KIAA0825: variants seen among roughly 807,000 people sequenced by gnomAD.
KIAA0825 encodes KIAA0825.
Under a neutral mutation model 147.6 loss-of-function variants are expected in KIAA0825, and 119 were observed. That is an observed-to-expected ratio of 0.81 (90% CI 0.69 to 0.94). The LOEUF is 0.94. Ranked by LOEUF, KIAA0825 falls within the 40% of genes least tolerant of loss-of-function variation. KIAA0825 has a pLI of 0.00. For missense variants in KIAA0825, 1,381 were observed against 1,472.7 expected (o/e 0.94, Z 1.02); for synonymous variants, 470 against 518.1 (o/e 0.91, Z 1.26).
intron 3 of KIAA0825, among the ~76,000 whole-genome samples, chr5:94,530,623 C>T (rs1159932882): frequency 2.0e-5 from 3 of 152,146 alleles, no homozygotes; most frequent in Admixed American, 6.5e-5. Flanking sequence ...GGTGTTGACT[C>T]AGCTGAGGCC....
rs1162910774 is a variant in KIAA0825, at chr5:94,218,332, T to C, written c.3711-64208A>G. ...CTTCTGTTTTTTACCTAATTCCTTCTTGTCCATCTAGACTGAGTTCTAACC... is the reference window on the plus strand; with the variant it reads ...CTTCTGTTTTTTACCTAATTCCTTCCTGTCCATCTAGACTGAGTTCTAACC... On this transcript the variant is annotated intron_variant, in intron 20 of 20. Transcript: ENST00000682413. Among the ~76,000 whole-genome samples, 3 of 152,338 alleles carry C rather than the reference T, an allele frequency of 2.0e-5. No homozygotes were observed. The South Asian group carries it at 6.2e-4, about 32-fold the overall frequency.
chr5:94,440,138 TA>T lies in KIAA0825; in HGVS notation c.2358-18del. Reference sequence around the variant, plus strand: ...GATGGAGTCCTTTCAAAATGCAAGATAAAGATGGAGTAATGAAGTTAATTTA... The same window carrying T: ...GATGGAGTCCTTTCAAAATGCAAGATAAGATGGAGTAATGAAGTTAATTTA... On this transcript the variant is annotated intron_variant, in intron 13 of 20. Coordinates refer to ENST00000682413, the MANE Select transcript of KIAA0825 (RefSeq NM_001145678.3). 1 of 1,549,856 alleles carries T rather than the reference TA, an allele frequency of 6.5e-7. No homozygotes were observed. The highest frequency in any genetic ancestry group is 2.4e-5 in the East Asian group (1 of 40,872).
chr5:94,154,593 AGTGT>A (rs1409059539), intron 20 of KIAA0825, among the ~76,000 whole-genome samples: 16 of 152,210 alleles, frequency 1.1e-4, no homozygotes, highest in African/African-American at 3.9e-4. Context: ...AGGGCAGGTC[AGTGT>A]ATTTCTTGAA....
intron 20 of KIAA0825, among the ~76,000 whole-genome samples, chr5:94,346,286 AT>A (rs1250333853): frequency 1.3e-5 from 2 of 152,162 alleles, no homozygotes; most frequent in Non-Finnish European, 2.9e-5. Flanking sequence ...ATGTTAATTG[AT>A]CAAATTAGAT....
At chr5:94,286,218 A>G (rs1290504378) in intron 20 of KIAA0825, among the ~76,000 whole-genome samples, 1 of 152,166 alleles carries the variant, frequency 6.6e-6, no homozygotes, top group Non-Finnish European at 1.5e-5. Flanking sequence ...TCTGATTAGC[A>G]GACTTGGACA....
chr5:94,508,542 G>C (rs1034934868), intron 5 of KIAA0825, among the ~76,000 whole-genome samples: 2 of 152,132 alleles, frequency 1.3e-5, no homozygotes, highest in Admixed American at 1.3e-4. Context: ...AAAAAAAGGG[G>C]GGGGAAGTAA....
chr5:94,487,865 G>A (rs1763238904), intron 5 of KIAA0825, among the ~76,000 whole-genome samples: 1 of 152,102 alleles, frequency 6.6e-6, no homozygotes. Context: ...GAGGTGGGAG[G>A]ATCACCTGAG....
chr5:94,249,430 T>C (rs1231814593), intron 20 of KIAA0825, among the ~76,000 whole-genome samples: 1 of 152,064 alleles, frequency 6.6e-6, no homozygotes, highest in Non-Finnish European at 1.5e-5. Flanking sequence ...GGACTGATCA[T>C]GTAATTTGCA....
chr5:94,158,177 T>C (rs1394644402), intron 20 of KIAA0825, among the ~76,000 whole-genome samples: 1 of 152,138 alleles, frequency 6.6e-6, no homozygotes, highest in African/African-American at 2.4e-5. Context: ...TTCTCATGTA[T>C]AAATATGGTC....
intron 20 of KIAA0825, among the ~76,000 whole-genome samples, chr5:94,353,959 C>T (rs1783979626): frequency 6.6e-6 from 1 of 152,098 alleles, no homozygotes; most frequent in African/African-American, 2.4e-5. Flanking sequence ...TGTTCTCCAT[C>T]AAATATAGTC....
At chr5:94,199,005 GC>G (rs1379488047) in intron 20 of KIAA0825, among the ~76,000 whole-genome samples, 1 of 152,024 alleles carries the variant, frequency 6.6e-6, no homozygotes, top group Non-Finnish European at 1.5e-5. Context: ...ATCTTTTTGA[GC>G]TTTCTTGCCA....
rs188731752 is a variant in KIAA0825 at position 94,339,002 on chromosome 5, A to G, written c.3710+45366T>C. Among the ~76,000 whole-genome samples, 25 of 152,290 alleles carry G rather than the reference A, an allele frequency of 1.6e-4. No homozygotes were observed. The East Asian group carries it at 4.0e-3, about 25-fold the overall frequency. On this transcript the variant is annotated intron_variant, in intron 20 of 20. Transcript: ENST00000682413. Reference sequence around the variant, plus strand: ...ACATTTGCCTTATATAAAGACATCAAACCTTATAATTTAACATATATTTGT... The same window carrying G: ...ACATTTGCCTTATATAAAGACATCAGACCTTATAATTTAACATATATTTGT...
intron 13 of KIAA0825, among the ~76,000 whole-genome samples, chr5:94,441,499 T>G (rs1482952914): frequency 6.6e-6 from 1 of 152,152 alleles, no homozygotes; most frequent in African/African-American, 2.4e-5. Context: ...AAAATTCATA[T>G]GTTGAAACCC....
chr5:94,551,958 A>C (rs1016496251), intron 2 of KIAA0825, among the ~76,000 whole-genome samples: 2 of 152,112 alleles, frequency 1.3e-5, no homozygotes, highest in Non-Finnish European at 2.9e-5. Context: ...AAATGGATTC[A>C]ATTCCTCAAT....
At chr5:94,172,810 T>C (rs1450433614) in intron 20 of KIAA0825, among the ~76,000 whole-genome samples, 1 of 152,196 alleles carries the variant, frequency 6.6e-6, no homozygotes, top group Non-Finnish European at 1.5e-5. Context: ...AGATTCACTA[T>C]GCTGATCTTG....
chr5:94,203,139 G>A (rs1325540550), intron 20 of KIAA0825, among the ~76,000 whole-genome samples: 2 of 152,146 alleles, frequency 1.3e-5, no homozygotes, highest in South Asian at 2.1e-4. Context: ...CATGATCAAC[G>A]TTTGCAATAG....
chr5:94,604,441 C>A (rs1787098479), intron 1 of KIAA0825, among the ~76,000 whole-genome samples: 1 of 152,108 alleles, frequency 6.6e-6, no homozygotes, highest in Non-Finnish European at 1.5e-5. Flanking sequence ...CACCTTTAAT[C>A]CTGGCCACTT....
chr5:94,159,354 A>G (rs1228645419), intron 20 of KIAA0825, among the ~76,000 whole-genome samples: 5 of 152,100 alleles, frequency 3.3e-5, no homozygotes. Flanking sequence ...AGGGGGTGCT[A>G]GTGGTATACA....
intron 20 of KIAA0825, among the ~76,000 whole-genome samples, chr5:94,163,205 G>A (rs2149924655): frequency 1.3e-5 from 2 of 152,242 alleles, no homozygotes; most frequent in South Asian, 4.1e-4. Flanking sequence ...TACCTGACTA[G>A]TATTTTTGAC....
Sources: gnomAD v4.1 joint callset for allele counts (sites outside exome capture counted in the v4.1 genomes callset) on GRCh38, gnomAD v4.1.1 for gene constraint, MANE v1.5 for transcripts, NCBI Gene and HGNC (gene_info 2026-07-23, HGNC 2026-07-21) for gene names.